PLSCR5: variants seen among roughly 807,000 people sequenced by gnomAD.
PLSCR5 encodes the protein phospholipid scramblase family member 5, also known as phospholipid scramblase family, member 5.
In PLSCR5, 44 loss-of-function variants were observed where a neutral mutation model predicts 33.6. The observed-to-expected ratio is 1.31, with a 90% CI of 1.03 to 1.69. The LOEUF is 1.69. PLSCR5 is among the 40% of genes most tolerant of loss of function. The pLI is 0.00. For synonymous variants in PLSCR5, 148 were observed against 112.3 expected, an observed-to-expected ratio of 1.32 and a Z score of -2.01; for missense variants, 375 against 318.7, an observed-to-expected ratio of 1.18 and a Z score of -1.34.
chr3:146,595,576 A>G (rs555486863), intron 2 of PLSCR5, among the ~76,000 whole-genome samples: 2 of 152,274 alleles, frequency 1.3e-5, no homozygotes, highest in African/African-American at 4.8e-5. Context: ...ACTCCAGCCT[A>G]GTCCCCAGAG....
chr3:146,586,049 TTTA>T lies in PLSCR5; in HGVS notation c.*22_*24del, dbSNP rs1421232865. ...ACTTACTGAAATATGTTCTGCATAT[TTTA>T]TTGTTTTCATTATCTTGGTTATTAT... is the stretch of plus-strand genomic sequence containing the variant. On this transcript the variant is annotated 3_prime_UTR_variant, in exon 7 of 8. Coordinates refer to ENST00000443512, the MANE Select transcript of PLSCR5 (RefSeq NM_001085420.2). The T allele has an allele frequency of 3.4e-6, 5 of 1,474,834 alleles. No individual in the cohort carries two copies. The African/African-American group carries it at 4.3e-5, about 13-fold the overall frequency. The allele number at this position is 1,474,834 out of a possible 1,614,324, so 91.4% of individuals were successfully genotyped here.
At chr3:146,583,267 G>A (rs748698631), downstream of PLSCR5, among the ~76,000 whole-genome samples, 3 of 152,116 alleles carry the variant, frequency 2.0e-5, no homozygotes, top group Non-Finnish European at 4.4e-5. Flanking sequence ...TGTTACCACT[G>A]TAAGAGAAGG....
intron 7 of PLSCR5, among the ~76,000 whole-genome samples, chr3:146,579,677 TCA>T (rs1445100955): frequency 6.6e-6 from 1 of 152,216 alleles, no homozygotes; most frequent in Non-Finnish European, 1.5e-5. Flanking sequence ...TCGCTCAGAT[TCA>T]GTTTCCGAGT....
intron 7 of PLSCR5, among the ~76,000 whole-genome samples, chr3:146,577,769 T>C (rs943173958): frequency 1.3e-5 from 2 of 152,144 alleles, no homozygotes; most frequent in South Asian, 2.1e-4. Context: ...TGTGTTTTAT[T>C]TCCCAGATTA....
intron 6 of PLSCR5, 43 bp downstream of exon 6, chr3:146,589,610 G>A (rs762533744): frequency 8.3e-6 from 12 of 1,440,968 alleles, no homozygotes; most frequent in Non-Finnish European, 1.1e-5. Context: ...ACAAGCAAGA[G>A]GGAGAATAAC....
chr3:146,604,513 TC>T (rs1437055548), intron 1 of PLSCR5, among the ~76,000 whole-genome samples: 3 of 152,128 alleles, frequency 2.0e-5, no homozygotes, highest in African/African-American at 7.2e-5. Flanking sequence ...GCTTTATAAT[TC>T]AGAAATACTT....
chr3:146,580,756 C>G (rs901487232), intron 7 of PLSCR5, among the ~76,000 whole-genome samples: 1 of 152,176 alleles, frequency 6.6e-6, no homozygotes, highest in Non-Finnish European at 1.5e-5. Flanking sequence ...AGCCACCGCG[C>G]CTGCCCCGCA....
intron 2 of PLSCR5, among the ~76,000 whole-genome samples, chr3:146,597,465 T>G (rs2044771101): frequency 6.6e-6 from 1 of 152,180 alleles, no homozygotes; most frequent in Admixed American, 6.6e-5. Flanking sequence ...GAAATAAGTC[T>G]TAAGTGACGA....
intron 5 of PLSCR5, among the ~76,000 whole-genome samples, chr3:146,590,672 C>T (rs1033949015): frequency 6.6e-6 from 1 of 152,006 alleles, no homozygotes; most frequent in Non-Finnish European, 1.5e-5. Context: ...GTTTAAAGTC[C>T]TCCTCAATCA....
chr3:146,592,097 C>A (rs991723444), intron 4 of PLSCR5, among the ~76,000 whole-genome samples: 3 of 151,978 alleles, frequency 2.0e-5, no homozygotes, highest in African/African-American at 4.8e-5. Context: ...TAGCACTGTG[C>A]ACTAAAAGTC....
At chr3:146,602,796 T>C (rs549172117) in intron 1 of PLSCR5, among the ~76,000 whole-genome samples, 1 of 152,240 alleles carries the variant, frequency 6.6e-6, no homozygotes, top group African/African-American at 2.4e-5. Flanking sequence ...CAAGTAGCTG[T>C]ACATTCCCGC....
chr3:146,594,000 C>G lies in PLSCR5; in HGVS notation c.373G>C (p.Asp125His). Residue 125 changes from aspartate to histidine, a missense_variant, in exon 4 of 8, where the codon GAT (aspartate) becomes CAT (histidine). Coordinates refer to ENST00000443512, the MANE Select transcript of PLSCR5 (RefSeq NM_001085420.2). ...TLRSCTLRIT[D>H]NSGREVITVN... ...GTAATGACCTCTCGACCTGAGTTATCTGTGATCCTCAGGGTGCAAGATCGC... is the reference window on the plus strand; with the variant it reads ...GTAATGACCTCTCGACCTGAGTTATGTGTGATCCTCAGGGTGCAAGATCGC... 6.2e-7 allele frequency: 1 copy of G among 1,613,870 alleles called. No individual in the cohort carries two copies. Among genetic ancestry groups the G allele is most frequent in the African/African-American group, 1.3e-5 (1 of 75,040 alleles).
downstream of PLSCR5, among the ~76,000 whole-genome samples, chr3:146,584,176 G>A (rs1300882243): frequency 6.6e-6 from 1 of 152,096 alleles, no homozygotes; most frequent in African/African-American, 2.4e-5. Flanking sequence ...TAGTTAATGA[G>A]CATCAGCTTT....
At chr3:146,589,399 AG>A (rs2044690771) in intron 6 of PLSCR5, among the ~76,000 whole-genome samples, 1 of 152,188 alleles carries the variant, frequency 6.6e-6, no homozygotes, top group African/African-American at 2.4e-5. Context: ...TAGGTTTTAA[AG>A]AAATGATGAA....
intron 1 of PLSCR5, among the ~76,000 whole-genome samples, chr3:146,600,960 T>A (rs1402457965): frequency 1.4e-5 from 2 of 148,088 alleles, no homozygotes; most frequent in Non-Finnish European, 3.0e-5. Flanking sequence ...TCTATATATT[T>A]ATATATATAC....
chr3:146,590,998 T>TG (rs1020734791), intron 5 of PLSCR5, among the ~76,000 whole-genome samples: 7 of 19,356 alleles, frequency 3.6e-4, no homozygotes, highest in African/African-American at 1.7e-3. Context: ...TTTTTTTTTG[T>TG]TTTTTTTTTT....
downstream of PLSCR5, among the ~76,000 whole-genome samples, chr3:146,582,363 C>T (rs889473343): frequency 6.6e-6 from 1 of 152,118 alleles, no homozygotes; most frequent in Non-Finnish European, 1.5e-5. Flanking sequence ...GTAAGGGGAA[C>T]AAAGCAATAT....
chr3:146,579,179 G>T (rs1471774052), intron 7 of PLSCR5, among the ~76,000 whole-genome samples: 1 of 151,768 alleles, frequency 6.6e-6, no homozygotes. Flanking sequence ...CTTATTTAGA[G>T]AAATTTTATT....
At chr3:146,592,099 C>T (rs1302159010) in intron 4 of PLSCR5, among the ~76,000 whole-genome samples, 1 of 151,972 alleles carries the variant, frequency 6.6e-6, no homozygotes, top group Non-Finnish European at 1.5e-5. Context: ...GCACTGTGCA[C>T]TAAAAGTCTA....
Sources: allele counts gnomAD v4.1 joint callset (sites outside exome capture counted in the v4.1 genomes callset), GRCh38; gene constraint gnomAD v4.1.1; transcripts MANE v1.5; gene names NCBI Gene and HGNC (gene_info 2026-07-23, HGNC 2026-07-21).